KIAA1328: variants seen among roughly 807,000 people sequenced by gnomAD.
KIAA1328 encodes the protein protein hinderin.
A neutral mutation model predicts 68.1 loss-of-function variants in KIAA1328; 52 were observed. That is an observed-to-expected ratio of 0.76 (90% CI 0.61 to 0.96). The LOEUF is 0.96. KIAA1328 is among the 40% of genes least tolerant of loss of function. The pLI is 0.00. For synonymous variants in KIAA1328, 232 were observed against 239.4 expected (o/e 0.97, Z 0.28); for missense variants, 641 against 677.6 (o/e 0.95, Z 0.60).
At chr18:37,044,878 T>A (rs1252047358) in intron 6 of KIAA1328, among the ~76,000 whole-genome samples, 1 of 151,970 alleles carries the variant, frequency 6.6e-6, no homozygotes, top group African/African-American at 2.4e-5. Context: ...TTCACACTTG[T>A]TAAAATGTTA....
intron 5 of KIAA1328, among the ~76,000 whole-genome samples, chr18:36,926,427 A>G (rs2050123692): frequency 6.7e-6 from 1 of 150,284 alleles, no homozygotes. Context: ...ATTTTTGGAA[A>G]GAACACCACA....
chr18:36,972,192 A>G (rs936221092), intron 6 of KIAA1328, among the ~76,000 whole-genome samples: 1 of 152,232 alleles, frequency 6.6e-6, no homozygotes, highest in Non-Finnish European at 1.5e-5. Context: ...TTTTCAACTA[A>G]TGATGATGGG....
At chr18:36,987,372 T>G (rs1339460841) in intron 6 of KIAA1328, among the ~76,000 whole-genome samples, 1 of 147,310 alleles carries the variant, frequency 6.8e-6, no homozygotes, top group Admixed American at 6.8e-5. Flanking sequence ...CATTGGGAGA[T>G]ATACCTAATG....
chr18:37,086,129 G>A (rs375550393), intron 7 of KIAA1328, among the ~76,000 whole-genome samples: 1 of 152,190 alleles, frequency 6.6e-6, no homozygotes, highest in Admixed American at 6.5e-5. Context: ...CAAAGTTTCA[G>A]TGAGCTTGAA....
At chr18:37,163,217 G>A (rs550895335) in intron 8 of KIAA1328, among the ~76,000 whole-genome samples, 2 of 152,260 alleles carry the variant, frequency 1.3e-5, no homozygotes, top group East Asian at 3.9e-4. Context: ...AAAACTGAGG[G>A]CATTTTTTTC....
intron 6 of KIAA1328, among the ~76,000 whole-genome samples, chr18:37,049,034 T>C (rs560016834): frequency 2.6e-5 from 4 of 152,314 alleles, no homozygotes; most frequent in Admixed American, 6.5e-5. Flanking sequence ...CCAAAATCTA[T>C]GCAAAAACCA....
chr18:36,973,400 C>A lies in KIAA1328; in HGVS notation c.576+13965C>A, dbSNP rs568743114. On this transcript the variant is annotated intron_variant, in intron 6 of 9. Coordinates refer to ENST00000280020, the MANE Select transcript of KIAA1328 (RefSeq NM_020776.3). ...ATGACGAGTTAACGGGTGCAGCACACAAATATGGCACATGTATACATATGT... is the reference window on the plus strand; with the variant it reads ...ATGACGAGTTAACGGGTGCAGCACAAAAATATGGCACATGTATACATATGT... 2.0e-5 allele frequency among the ~76,000 whole-genome samples: 3 copies of A among 152,062 alleles called. No individual in the cohort carries two copies. The South Asian group carries it at 6.2e-4, about 32-fold the overall frequency.
intron 7 of KIAA1328, among the ~76,000 whole-genome samples, chr18:37,120,301 A>G (rs2058235730): frequency 6.6e-6 from 1 of 152,182 alleles, no homozygotes; most frequent in African/African-American, 2.4e-5. Context: ...GCTGACTCCC[A>G]GTGACATTTA....
At chr18:37,018,349 G>GTTCCCTTTT (rs2054224976) in intron 6 of KIAA1328, among the ~76,000 whole-genome samples, 1 of 152,046 alleles carries the variant, frequency 6.6e-6, no homozygotes, top group African/African-American at 2.4e-5. Flanking sequence ...GCCTGATGAG[G>GTTCCCTTTT]TTCCCTTTTT....
At chr18:36,989,463 G>A (rs544200538) in intron 6 of KIAA1328, among the ~76,000 whole-genome samples, 1 of 152,192 alleles carries the variant, frequency 6.6e-6, no homozygotes, top group Non-Finnish European at 1.5e-5. Flanking sequence ...GAACAGAGGT[G>A]AATGCAGAGG....
intron 5 of KIAA1328, among the ~76,000 whole-genome samples, chr18:36,933,711 A>C (rs918063807): frequency 6.6e-6 from 1 of 152,166 alleles, no homozygotes; most frequent in Non-Finnish European, 1.5e-5. Flanking sequence ...CCACTGAGAA[A>C]GTACTTAGAT....
chr18:37,209,907 G>A (rs906114569), intron 9 of KIAA1328, among the ~76,000 whole-genome samples: 1 of 152,176 alleles, frequency 6.6e-6, no homozygotes, highest in African/African-American at 2.4e-5. Context: ...ACATATAGAT[G>A]TTATTAAATC....
chr18:37,182,982 T>C (rs2059726838), intron 9 of KIAA1328, among the ~76,000 whole-genome samples: 1 of 152,186 alleles, frequency 6.6e-6, no homozygotes, highest in African/African-American at 2.4e-5. Flanking sequence ...ACAGTGCCTC[T>C]GCCAAAATGT....
At chr18:36,992,463 T>C (rs1387865383) in intron 6 of KIAA1328, among the ~76,000 whole-genome samples, 45 of 16,544 alleles carry the variant, frequency 2.7e-3, no homozygotes, top group African/African-American at 3.2e-3. Flanking sequence ...TTTTTTTTTT[T>C]TTTTTTTTTT....
chr18:37,002,527 T>G (rs1259215960), intron 6 of KIAA1328, among the ~76,000 whole-genome samples: 1 of 151,848 alleles, frequency 6.6e-6, no homozygotes, highest in Non-Finnish European at 1.5e-5. Context: ...CAGGTAGCAG[T>G]AATGATCTAG....
chr18:36,943,469 A>G (rs2050784244), intron 5 of KIAA1328, among the ~76,000 whole-genome samples: 1 of 152,242 alleles, frequency 6.6e-6, no homozygotes, highest in Non-Finnish European at 1.5e-5. Flanking sequence ...AAACTGCTTC[A>G]TCACTGATAA....
At chr18:37,064,478 C>T (rs1440114452) in intron 6 of KIAA1328, among the ~76,000 whole-genome samples, 1 of 151,202 alleles carries the variant, frequency 6.6e-6, no homozygotes, top group Non-Finnish European at 1.5e-5. Context: ...GAGTAGCTAG[C>T]TATTTCAATT....
At chr18:37,101,598 A>G (rs1364651413) in intron 7 of KIAA1328, among the ~76,000 whole-genome samples, 4 of 152,328 alleles carry the variant, frequency 2.6e-5, no homozygotes, top group South Asian at 2.1e-4. Context: ...ACTCTGCAGG[A>G]TATTATCCAG....
chr18:37,088,824 T>G (rs1185867844), intron 7 of KIAA1328, among the ~76,000 whole-genome samples: 1 of 152,116 alleles, frequency 6.6e-6, no homozygotes, highest in Non-Finnish European at 1.5e-5. Flanking sequence ...CTTTAAAAAA[T>G]TTTTAATGTC....
Sources: allele counts gnomAD v4.1 joint callset (sites outside exome capture counted in the v4.1 genomes callset), GRCh38; gene constraint gnomAD v4.1.1; transcripts MANE v1.5; gene names NCBI Gene and HGNC (gene_info 2026-07-23, HGNC 2026-07-21).